NAV3: variants seen among roughly 807,000 people sequenced by gnomAD.
NAV3 encodes the protein neuron navigator 3.
A neutral mutation model predicts 244.7 loss-of-function variants in NAV3; 87 were observed. That is an observed-to-expected ratio of 0.36 (90% CI 0.30 to 0.42). The LOEUF is 0.42. Among genes scored for constraint, NAV3 ranks in the 20% least tolerant of loss-of-function variants. NAV3 has a pLI of 1.00. For missense variants in NAV3, 2,663 were observed against 2,893.3 expected, an observed-to-expected ratio of 0.92 and a Z score of 1.83; for synonymous variants, 1,126 against 1,042.2, an observed-to-expected ratio of 1.08 and a Z score of -1.55.
At chr12:77,827,177 G>T (rs1873090915), upstream of NAV3, among the ~76,000 whole-genome samples, 1 of 133,906 alleles carries the variant, frequency 7.5e-6, no homozygotes, top group South Asian at 2.5e-4. Flanking sequence ...AGGTTGCAGT[G>T]AACTGAGATC....
chr12:77,707,445 C>A (rs901497257), intron 2 of NAV3, among the ~76,000 whole-genome samples: 1 of 152,128 alleles, frequency 6.6e-6, no homozygotes, highest in Non-Finnish European at 1.5e-5. Context: ...GCCACATTTT[C>A]TTAATCCAGT....
intron 2 of NAV3, among the ~76,000 whole-genome samples, chr12:77,635,816 A>G (rs190828893): frequency 1.4e-4 from 22 of 152,324 alleles, no homozygotes; most frequent in African/African-American, 4.1e-4. Flanking sequence ...TAGAATTCCT[A>G]TTTTGAAGAT....
At chr12:77,776,076 A>C (rs1367364508) in intron 2 of NAV3, among the ~76,000 whole-genome samples, 1 of 152,204 alleles carries the variant, frequency 6.6e-6, no homozygotes, top group Non-Finnish European at 1.5e-5. Context: ...TGGGGAAGGC[A>C]CAACCTGCTG....
chr12:77,942,692 C>T (rs923836771), intron 3 of NAV3, among the ~76,000 whole-genome samples: 4 of 152,074 alleles, frequency 2.6e-5, no homozygotes, highest in African/African-American at 9.7e-5. Context: ...CTTCTTTGAG[C>T]CTTAGCTTTC....
intron 1 of NAV3, among the ~76,000 whole-genome samples, chr12:77,917,908 G>A (rs1319574760): frequency 6.6e-6 from 1 of 151,968 alleles, no homozygotes; most frequent in African/African-American, 2.4e-5. Context: ...GCATTCAAAG[G>A]CAGTGACCAA....
rs759638788 is a variant in NAV3 at position 77,994,871 on chromosome 12, G to T, written c.740G>T (p.Arg247Met). 6.3e-7 allele frequency: 1 copy of T among 1,599,530 alleles called. No homozygotes were observed. The highest frequency in any genetic ancestry group is 8.5e-7 in the Non-Finnish European group (1 of 1,170,074). ...GIATSQKKPTRLPGPSRVPAA... is the reference protein window; with the variant it reads ...GIATSQKKPTMLPGPSRVPAA... ...GCAACCAGTCAAAAAAAGCCTACTA[G>T]GTCAGTTAATATTCTCTAATTTATT... The change falls in exon 6 of 40, where the codon AGG (arginine) becomes ATG (methionine). Residue 247 changes from arginine to methionine, a missense_variant and splice_region_variant. By Grantham distance (91) the Arg-to-Met change is moderately conservative. Transcript: ENST00000397909.
In NAV3 at chr12:77,730,651, G is replaced by A. The variant is rs191630897; in HGVS notation, c.72+158385G>A. Among the ~76,000 whole-genome samples the A allele has an allele frequency of 2.0e-5, 3 of 151,852 alleles. No homozygotes were observed. In the East Asian group the frequency reaches 5.8e-4, roughly 29 times the overall value. On this transcript the variant is annotated intron_variant, in intron 2 of 8. Coordinates refer to the NAV3 transcript ENST00000550042. Reference sequence around the variant, plus strand: ...AGGAGTTCCAATAATACAGAATTGAGCAAATGGAAGTGAAATAATTAGGAG... The same window carrying A: ...AGGAGTTCCAATAATACAGAATTGAACAAATGGAAGTGAAATAATTAGGAG...
intron 2 of NAV3, among the ~76,000 whole-genome samples, chr12:77,652,722 G>C (rs1458349380): frequency 1.3e-5 from 2 of 152,168 alleles, no homozygotes; most frequent in Non-Finnish European, 2.9e-5. Context: ...TAAAAATTAA[G>C]TAGATCCATC....
intron 2 of NAV3, among the ~76,000 whole-genome samples, chr12:77,687,740 A>C (rs1874822159): frequency 6.6e-6 from 1 of 152,104 alleles, no homozygotes; most frequent in Non-Finnish European, 1.5e-5. Flanking sequence ...TCGGTTCCAT[A>C]AGCCTCTCTC....
At chr12:77,808,249 A>G (rs371942048) in intron 2 of NAV3, among the ~76,000 whole-genome samples, 16 of 152,210 alleles carry the variant, frequency 1.1e-4, no homozygotes, top group African/African-American at 3.6e-4. Flanking sequence ...TTGGAGGAGA[A>G]GAAGCGTTCT....
intron 3 of NAV3, among the ~76,000 whole-genome samples, chr12:77,965,463 T>TA (rs1212290171): frequency 3.9e-5 from 6 of 151,906 alleles, no homozygotes; most frequent in Non-Finnish European, 8.8e-5. Flanking sequence ...TATAAAAATA[T>TA]AAAAAATTAG....
intron 36 of NAV3, 130 bp from the exon 37 acceptor site, chr12:78,199,205 A>C: frequency 1.4e-6 from 1 of 728,394 alleles, no homozygotes; most frequent in Non-Finnish European, 2.2e-6. Context: ...GGTGGCCACC[A>C]ATTGAAATGG....
intron 1 of NAV3, among the ~76,000 whole-genome samples, chr12:77,849,733 G>A (rs76387739): frequency 0.012 from 1,754 of 152,192 alleles, 28 homozygotes; most frequent in African/African-American, 0.04. Context: ...GATAAGAAAT[G>A]CTCAATCTAT....
chr12:77,587,230 G>T (rs1869657841), intron 2 of NAV3, among the ~76,000 whole-genome samples: 1 of 152,084 alleles, frequency 6.6e-6, no homozygotes, highest in South Asian at 2.1e-4. Context: ...TGCTTTCCAT[G>T]ATCTCATGGG....
intron 24 of NAV3, among the ~76,000 whole-genome samples, chr12:78,174,237 G>A (rs1242683183): frequency 6.6e-6 from 1 of 151,730 alleles, no homozygotes; most frequent in Non-Finnish European, 1.5e-5. Context: ...AAAATTTTCA[G>A]TTTGTTTTAT....
chr12:77,817,681 T>C (rs2136020111), intron 2 of NAV3, among the ~76,000 whole-genome samples: 1 of 152,274 alleles, frequency 6.6e-6, no homozygotes, highest in Middle Eastern at 3.4e-3. Context: ...TTTTGTGGCT[T>C]TTTAAAATTA....
intron 2 of NAV3, among the ~76,000 whole-genome samples, chr12:77,776,201 C>A (rs1387434277): frequency 6.6e-6 from 1 of 151,998 alleles, no homozygotes; most frequent in African/African-American, 2.4e-5. Context: ...TGTTTATTTA[C>A]CTGATTTTAT....
At chr12:78,086,412 A>T (rs1953641420) in intron 12 of NAV3, among the ~76,000 whole-genome samples, 1 of 152,100 alleles carries the variant, frequency 6.6e-6, no homozygotes, top group African/African-American at 2.4e-5. Flanking sequence ...TATAAAACAT[A>T]TGCAGCATTT....
chr12:77,916,641 A>T (rs1388765045), intron 1 of NAV3, among the ~76,000 whole-genome samples: 2 of 152,090 alleles, frequency 1.3e-5, no homozygotes, highest in African/African-American at 4.8e-5. Flanking sequence ...TCTACATACA[A>T]TACTCAAAGA....
Sources: gnomAD v4.1 joint callset for allele counts (sites outside exome capture counted in the v4.1 genomes callset) on GRCh38, gnomAD v4.1.1 for gene constraint, MANE v1.5 for transcripts, NCBI Gene and HGNC (gene_info 2026-07-23, HGNC 2026-07-21) for gene names.